The following CTNNA3 variants were observed in gnomAD, a reference collection of about 807,000 sequenced individuals.
The protein encoded by CTNNA3 is catenin alpha-3.
Under a neutral mutation model 95.7 loss-of-function variants are expected in CTNNA3, and 76 were observed. The ratio of observed to expected loss-of-function variants is 0.79; its 90% CI spans 0.66 to 0.96. CTNNA3 has a LOEUF of 0.96. Ranked by LOEUF, CTNNA3 falls within the 40% of genes least tolerant of loss-of-function variation. The pLI is 0.00. For missense variants in CTNNA3, 1,191 were observed against 1,089.8 expected, an observed-to-expected ratio of 1.09 and a Z score of -1.31; for synonymous variants, 431 against 374.4, an observed-to-expected ratio of 1.15 and a Z score of -1.74.
chr10:67,625,373 T>C (rs1838919367), intron 2 of CTNNA3, among the ~76,000 whole-genome samples: 1 of 152,176 alleles, frequency 6.6e-6, no homozygotes, highest in Non-Finnish European at 1.5e-5. Context: ...CTGTCACAAG[T>C]GTCCTTTGCT....
intron 13 of CTNNA3, among the ~76,000 whole-genome samples, chr10:66,256,796 T>TC (rs1464422970): frequency 6.6e-6 from 1 of 152,032 alleles, no homozygotes; most frequent in African/African-American, 2.4e-5. Context: ...ACTGGCACAT[T>TC]CTTTTTCATT....
chr10:67,240,913 A>G (rs1426680715), intron 5 of CTNNA3, among the ~76,000 whole-genome samples: 3 of 152,150 alleles, frequency 2.0e-5, no homozygotes, highest in African/African-American at 7.2e-5. Context: ...AGCAAATACA[A>G]TATGTATTAC....
At chr10:67,329,964 C>G (rs887188922) in intron 5 of CTNNA3, among the ~76,000 whole-genome samples, 2 of 152,178 alleles carry the variant, frequency 1.3e-5, no homozygotes, top group African/African-American at 4.8e-5. Flanking sequence ...TCCAAGATGC[C>G]AGCTAGAGTT....
chr10:66,209,936 G>A (rs763548537), intron 13 of CTNNA3, among the ~76,000 whole-genome samples: 5 of 152,056 alleles, frequency 3.3e-5, no homozygotes, highest in Admixed American at 6.6e-5. Context: ...AGAGATAGAG[G>A]CAGAGACAGA....
intron 7 of CTNNA3, among the ~76,000 whole-genome samples, chr10:66,950,941 C>G (rs957115590): frequency 6.6e-6 from 1 of 152,070 alleles, no homozygotes; most frequent in African/African-American, 2.4e-5. Context: ...GATTCAGCAC[C>G]TCTCTTGTCA....
At chr10:66,748,943 C>A (rs1441073947) in intron 9 of CTNNA3, among the ~76,000 whole-genome samples, 2 of 151,244 alleles carry the variant, frequency 1.3e-5, no homozygotes, top group Non-Finnish European at 2.9e-5. Context: ...GAGGCCAAGG[C>A]GGGCGGATCA....
intron 7 of CTNNA3, among the ~76,000 whole-genome samples, chr10:66,834,506 C>G (rs1203993582): frequency 6.6e-6 from 1 of 152,166 alleles, no homozygotes; most frequent in Non-Finnish European, 1.5e-5. Flanking sequence ...AAGTGAGATA[C>G]AGCAAATTCA....
chr10:67,581,735 G>A (rs976113806), intron 3 of CTNNA3, among the ~76,000 whole-genome samples: 2 of 152,278 alleles, frequency 1.3e-5, no homozygotes, highest in East Asian at 1.9e-4. Flanking sequence ...CTCAATTTCA[G>A]AGCCTGTTAT....
chr10:67,438,126 C>T (rs184812279), intron 5 of CTNNA3, among the ~76,000 whole-genome samples: 210 of 152,208 alleles, frequency 1.4e-3, no homozygotes, highest in Non-Finnish European at 2.6e-3. Flanking sequence ...GGAGCACTAC[C>T]GACTCACAGC....
intron 13 of CTNNA3, among the ~76,000 whole-genome samples, chr10:66,264,655 G>A (rs7068722): frequency 4.6e-5 from 7 of 151,870 alleles, no homozygotes; most frequent in Non-Finnish European, 8.8e-5. Context: ...TCACATAGCC[G>A]AAGTTCAAGT....
intron 9 of CTNNA3, among the ~76,000 whole-genome samples, chr10:66,748,468 C>T (rs1389885187): frequency 1.3e-5 from 2 of 152,044 alleles, no homozygotes; most frequent in Non-Finnish European, 2.9e-5. Flanking sequence ...TGTACTGCAG[C>T]TCCTATATAA....
chr10:66,346,032 G>A (rs1428386830), intron 12 of CTNNA3, among the ~76,000 whole-genome samples: 24 of 131,306 alleles, frequency 1.8e-4, no homozygotes, highest in Non-Finnish European at 1.2e-4. Context: ...AGCCGAGATC[G>A]CACCACTGCA....
intron 12 of CTNNA3, among the ~76,000 whole-genome samples, chr10:66,345,497 G>A (rs1308279021): frequency 1.3e-5 from 2 of 151,946 alleles, no homozygotes; most frequent in African/African-American, 4.8e-5. Flanking sequence ...TGTATAGATG[G>A]CAGTTTGAAA....
At chr10:66,817,784 C>T (rs538235676) in intron 7 of CTNNA3, among the ~76,000 whole-genome samples, 1 of 151,970 alleles carries the variant, frequency 6.6e-6, no homozygotes, top group East Asian at 1.9e-4. Flanking sequence ...AAAAAACTTC[C>T]AACTTATTTC....
rs533571479 is a variant in CTNNA3 at position 66,271,592 on chromosome 10, C to T, written c.1884+8878G>A. ...CAAGTAACCGTCTTCCCCATATTAC[C>T]CTTCCATTCACAATGTTAGCCATTT... On this transcript the variant is annotated intron_variant, in intron 13 of 17. Transcript: ENST00000433211. 3.0e-4 allele frequency among the ~76,000 whole-genome samples: 46 copies of T among 152,206 alleles called. No homozygotes were observed. The South Asian group carries it at 8.9e-3, about 29-fold the overall frequency.
intron 5 of CTNNA3, among the ~76,000 whole-genome samples, chr10:67,234,949 C>A (rs1865384495): frequency 6.8e-6 from 1 of 147,046 alleles, no homozygotes; most frequent in African/African-American, 2.6e-5. Flanking sequence ...AGGAATCCAA[C>A]TTACAAGGGA....
At chr10:66,207,022 A>G (rs1281547999) in intron 13 of CTNNA3, among the ~76,000 whole-genome samples, 1 of 151,906 alleles carries the variant, frequency 6.6e-6, no homozygotes, top group Non-Finnish European at 1.5e-5. Flanking sequence ...ATGTATATTC[A>G]GTTGCCATGT....
intron 3 of CTNNA3, among the ~76,000 whole-genome samples, chr10:67,574,925 C>A (rs981760614): frequency 6.6e-5 from 10 of 152,166 alleles, no homozygotes; most frequent in African/African-American, 2.4e-4. Context: ...ATAATGAAGT[C>A]ATCTGCATTT....
intron 15 of CTNNA3, among the ~76,000 whole-genome samples, chr10:66,031,755 G>T (rs899319129): frequency 1.3e-5 from 2 of 152,166 alleles, no homozygotes; most frequent in African/African-American, 4.8e-5. Context: ...AAATAACCTT[G>T]CAGAGTAAAA....
Sources: allele counts gnomAD v4.1 joint callset (sites outside exome capture counted in the v4.1 genomes callset), GRCh38; gene constraint gnomAD v4.1.1; transcripts MANE v1.5; gene names NCBI Gene and HGNC (gene_info 2026-07-23, HGNC 2026-07-21).